TENM3: variants seen among roughly 807,000 people sequenced by gnomAD.
TENM3 encodes the protein teneurin transmembrane protein 3, also known as teneurin-3.
In TENM3, 63 loss-of-function variants were observed where a neutral mutation model predicts 255.1. The observed-to-expected ratio is 0.25, with a 90% CI of 0.20 to 0.30. The LOEUF (loss-of-function observed/expected upper bound fraction) is 0.30, where lower values mean the gene tolerates loss of function less well. Ranked by LOEUF, TENM3 falls within the 10% of genes least tolerant of loss-of-function variation. The probability of loss-of-function intolerance (pLI) is 1.00; values close to 1 mark genes in which losing one functional copy is unlikely to be tolerated. For missense variants in TENM3, 2,929 were observed against 3,461.1 expected (o/e 0.85, Z 3.86); for synonymous variants, 1,306 against 1,322.3 (o/e 0.99, Z 0.27).
chr4:182,654,832 G>A (rs907491364), intron 6 of TENM3, among the ~76,000 whole-genome samples: 4 of 152,134 alleles, frequency 2.6e-5, no homozygotes, highest in Non-Finnish European at 5.9e-5. Flanking sequence ...CATTTACTGG[G>A]ATGAATACTT....
the TENM3 span, among the ~76,000 whole-genome samples, chr4:181,807,431 G>A: frequency 1.3e-4 from 20 of 152,242 alleles, no homozygotes; most frequent in African/African-American, 4.8e-4. Flanking sequence ...TCCGCTCACC[G>A]CAACCTCCGC....
At chr4:181,681,244 T>C in the TENM3 span, among the ~76,000 whole-genome samples, 1,748 of 151,734 alleles carry the variant, frequency 0.012, 34 homozygotes, top group African/African-American at 0.04. Context: ...GATTATGAAG[T>C]AGTCTAATTG....
chr4:181,850,685 G>A, the TENM3 span, among the ~76,000 whole-genome samples: 1 of 151,880 alleles, frequency 6.6e-6, no homozygotes, highest in Non-Finnish European at 1.5e-5. Flanking sequence ...GCTGCTTTGT[G>A]ATGTGCCAAT....
the TENM3 span, among the ~76,000 whole-genome samples, chr4:181,828,659 G>T: frequency 1.6e-3 from 250 of 152,180 alleles, 1 homozygote; most frequent in African/African-American, 5.8e-3. Context: ...CACCATCTCA[G>T]CTCACTGCAA....
chr4:182,660,780 T>C (rs528501531), intron 6 of TENM3, among the ~76,000 whole-genome samples: 5 of 152,258 alleles, frequency 3.3e-5, no homozygotes, highest in Admixed American at 6.5e-5. Context: ...TGCCACGCAC[T>C]GAGCAAGATT....
intron 3 of TENM3, among the ~76,000 whole-genome samples, chr4:182,503,710 A>G (rs1736539529): frequency 6.6e-6 from 1 of 151,566 alleles, no homozygotes; most frequent in African/African-American, 2.4e-5. Flanking sequence ...ATGCACTTAA[A>G]GCTTCTGTGT....
intron 3 of TENM3, among the ~76,000 whole-genome samples, chr4:182,485,217 A>G (rs1734581851): frequency 6.6e-6 from 1 of 152,162 alleles, no homozygotes; most frequent in African/African-American, 2.4e-5. Flanking sequence ...AAGTGTATAT[A>G]TAACATTTTC....
At chr4:181,724,776 T>C in the TENM3 span, among the ~76,000 whole-genome samples, 1 of 152,202 alleles carries the variant, frequency 6.6e-6, no homozygotes, top group African/African-American at 2.4e-5. Flanking sequence ...TTTGAACTTG[T>C]CTCTGGGGAA....
In TENM3 at chr4:182,673,195, A is replaced by G. The variant is rs370038739; in HGVS notation, c.1302A>G (p.Lys434=). The change falls in exon 7 of 28, where the codon AAA becomes AAG. Residue 434 remains lysine (K), a synonymous_variant. Transcript: ENST00000511685. ...CATTGATTGGAGTATATGGCCGGAA[A>G]GGCTTACCGCCTTCCCATACTCAGG... is the stretch of plus-strand genomic sequence containing the variant. ...KDALIGVYGR[K]GLPPSHTQYD... 2.5e-6 allele frequency: 4 copies of G among 1,613,370 alleles called. No homozygotes were observed. Among genetic ancestry groups the G allele is most frequent in the Non-Finnish European group, 1.7e-6 (2 of 1,179,380 alleles).
At chr4:182,377,291 G>C (rs1031801463) in intron 3 of TENM3, among the ~76,000 whole-genome samples, 6 of 151,910 alleles carry the variant, frequency 3.9e-5, no homozygotes, top group Admixed American at 3.9e-4. Flanking sequence ...GGCACATAAA[G>C]CCACATTTTG....
chr4:182,648,387 G>A (rs927569126), intron 5 of TENM3, among the ~76,000 whole-genome samples: 7 of 151,392 alleles, frequency 4.6e-5, no homozygotes, highest in Admixed American at 4.6e-4. Context: ...AGGTTCAAGC[G>A]ATTCTCCTGC....
chr4:182,368,564 A>G lies in TENM3; in HGVS notation c.511+21635A>G, dbSNP rs116879139. On this transcript the variant is annotated intron_variant, in intron 3 of 27. Transcript: ENST00000511685. Reference sequence around the variant, plus strand: ...TGAGGGCTGTTACCATTTTGTCTCCAAACAGCAAAAGGTGAGTGTGGAGGA... The same window carrying G: ...TGAGGGCTGTTACCATTTTGTCTCCGAACAGCAAAAGGTGAGTGTGGAGGA... Among the ~76,000 whole-genome samples the G allele has an allele frequency of 8.7e-3, 1,319 of 152,278 alleles. 20 individuals carry two copies. The highest frequency in any genetic ancestry group is 0.06 in the East Asian group (309 of 5,164).
At chr4:181,712,175 A>C in the TENM3 span, among the ~76,000 whole-genome samples, 3 of 152,128 alleles carry the variant, frequency 2.0e-5, no homozygotes, top group African/African-American at 7.2e-5. Flanking sequence ...TTTGGTTCTG[A>C]TACCTTCTGT....
chr4:182,775,300 C>T (rs1000440791), intron 24 of TENM3, 147 bp downstream of exon 24: 1 of 738,054 alleles, frequency 1.4e-6, no homozygotes, highest in Non-Finnish European at 2.2e-6. Context: ...CCCACATGGG[C>T]CTGTTCTGGC....
chr4:182,463,850 G>A (rs2309746), intron 3 of TENM3, among the ~76,000 whole-genome samples: 9,053 of 151,894 alleles, frequency 0.06, 383 homozygotes, highest in Non-Finnish European at 0.089. Flanking sequence ...CTCGAACTCC[G>A]ACCTCAGGTG....
At chr4:181,548,007 T>G in the TENM3 span, among the ~76,000 whole-genome samples, 1 of 151,356 alleles carries the variant, frequency 6.6e-6, no homozygotes, top group Non-Finnish European at 1.5e-5. Flanking sequence ...CCCCTTCCTG[T>G]GTCTATGTGT....
the TENM3 span, among the ~76,000 whole-genome samples, chr4:181,775,941 T>C: frequency 6.6e-6 from 1 of 152,212 alleles, no homozygotes; most frequent in Admixed American, 6.6e-5. Flanking sequence ...AAGTCCTCTC[T>C]ACTGACTATG....
At chr4:181,922,104 A>G in the TENM3 span, among the ~76,000 whole-genome samples, 13 of 152,160 alleles carry the variant, frequency 8.5e-5, no homozygotes, top group Non-Finnish European at 1.5e-4. Flanking sequence ...ATGGTGGATA[A>G]GCTTTTTGAT....
the TENM3 span, among the ~76,000 whole-genome samples, chr4:181,948,404 A>G: frequency 4.6e-5 from 7 of 152,090 alleles, no homozygotes; most frequent in African/African-American, 1.7e-4. Context: ...ATTATTTTTT[A>G]TATAATAGAA....
Sources: gnomAD v4.1 joint callset for allele counts (sites outside exome capture counted in the v4.1 genomes callset) on GRCh38, gnomAD v4.1.1 for gene constraint, MANE v1.5 for transcripts, NCBI Gene and HGNC (gene_info 2026-07-23, HGNC 2026-07-21) for gene names.